The following CACNA2D1 variants were observed in gnomAD, a reference collection of about 807,000 sequenced individuals.
The protein encoded by CACNA2D1 is voltage-dependent calcium channel subunit alpha-2/delta-1.
CACNA2D1 carries 53 observed loss-of-function variants against 171.5 expected under a neutral mutation model. The ratio of observed to expected loss-of-function variants is 0.31; its 90% CI spans 0.25 to 0.39. CACNA2D1 has a LOEUF of 0.39. CACNA2D1 is among the 10% of genes least tolerant of loss of function. The pLI is 1.00. For missense variants in CACNA2D1, 903 were observed against 1,299.8 expected (o/e 0.69, Z 4.69); for synonymous variants, 442 against 443.1 (o/e 1.00, Z 0.03).
intron 4 of CACNA2D1, among the ~76,000 whole-genome samples, chr7:82,137,393 C>T (rs62465798): frequency 0.18 from 27,365 of 151,982 alleles, 2,833 homozygotes; most frequent in East Asian, 0.33. Flanking sequence ...TTTAAAACTC[C>T]TATTCTTTGT....
chr7:82,101,050 A>G (rs1253808236), intron 6 of CACNA2D1, among the ~76,000 whole-genome samples: 1 of 152,144 alleles, frequency 6.6e-6, no homozygotes, highest in Admixed American at 6.5e-5. Flanking sequence ...GATCTGCCAA[A>G]TGTGTAAATG....
chr7:82,134,437 A>G (rs1255797678), intron 5 of CACNA2D1, among the ~76,000 whole-genome samples: 1 of 152,148 alleles, frequency 6.6e-6, no homozygotes, highest in African/African-American at 2.4e-5. Flanking sequence ...AATTATTCTG[A>G]TTCCTATTCT....
intron 6 of CACNA2D1, among the ~76,000 whole-genome samples, chr7:82,088,772 A>G (rs552325998): frequency 2.6e-5 from 4 of 152,020 alleles, no homozygotes; most frequent in African/African-American, 7.2e-5. Context: ...ATTGTATTTT[A>G]TATTCTCAAT....
chr7:82,380,427 A>G (rs866968005), intron 1 of CACNA2D1, among the ~76,000 whole-genome samples: 8 of 152,116 alleles, frequency 5.3e-5, no homozygotes, highest in Non-Finnish European at 8.8e-5. Flanking sequence ...TGGAGAATTG[A>G]TCATTCAATT....
At chr7:82,279,922 G>A (rs1158460404) in intron 3 of CACNA2D1, among the ~76,000 whole-genome samples, 1 of 152,060 alleles carries the variant, frequency 6.6e-6, no homozygotes, top group Non-Finnish European at 1.5e-5. Flanking sequence ...TCTGTTCACA[G>A]CTTAAGTGAT....
chr7:82,376,830 G>A (rs1410210457), intron 1 of CACNA2D1, among the ~76,000 whole-genome samples: 2 of 152,140 alleles, frequency 1.3e-5, no homozygotes, highest in African/African-American at 4.8e-5. Context: ...AAATCTTTTA[G>A]GCGATGGAGG....
chr7:82,273,972 C>A (rs1400864666), intron 3 of CACNA2D1, among the ~76,000 whole-genome samples: 1 of 152,106 alleles, frequency 6.6e-6, no homozygotes, highest in Non-Finnish European at 1.5e-5. Context: ...AAAATAATCC[C>A]AGTCATTGTA....
At chr7:82,348,959 G>A (rs938196042) in intron 2 of CACNA2D1, among the ~76,000 whole-genome samples, 1 of 152,024 alleles carries the variant, frequency 6.6e-6, no homozygotes, top group Admixed American at 6.6e-5. Flanking sequence ...TAGTTAAGAT[G>A]CCATACAAAT....
intron 4 of CACNA2D1, among the ~76,000 whole-genome samples, chr7:82,153,922 G>C (rs1250675023): frequency 6.6e-6 from 1 of 151,948 alleles, no homozygotes; most frequent in African/African-American, 2.4e-5. Context: ...AAAACACTTA[G>C]GAGGAAGAAA....
chr7:82,105,699 A>G (rs258684), intron 6 of CACNA2D1, among the ~76,000 whole-genome samples: 79,689 of 151,840 alleles, frequency 0.52, 21,029 homozygotes, highest in Non-Finnish European at 0.54. Flanking sequence ...ATGAGGGACG[A>G]TGATTACTAA....
intron 3 of CACNA2D1, among the ~76,000 whole-genome samples, chr7:82,221,681 T>C (rs943148830): frequency 1.3e-5 from 2 of 151,310 alleles, no homozygotes; most frequent in African/African-American, 4.9e-5. Context: ...GAGATGGAGG[T>C]TGCAGTGAGC....
intron 5 of CACNA2D1, among the ~76,000 whole-genome samples, chr7:82,126,506 C>G (rs373180690): frequency 1.3e-5 from 2 of 152,140 alleles, no homozygotes; most frequent in East Asian, 1.9e-4. Context: ...GGAAATAAAA[C>G]TCAACTTTTT....
In CACNA2D1 at chr7:82,032,787, T is replaced by C. The variant is rs1584486282; in HGVS notation, c.1143+10A>G. 2.9e-6 allele frequency: 4 copies of C among 1,392,988 alleles called. No individual in the cohort carries two copies. The highest frequency in any genetic ancestry group is 4.0e-6 in the Non-Finnish European group (4 of 988,022). 86.3% of individuals were successfully genotyped at this position (1,392,988 alleles called of 1,614,324 possible). On this transcript the variant is annotated intron_variant, in intron 12 of 38. Coordinates refer to ENST00000356860, the MANE Select transcript of CACNA2D1 (RefSeq NM_000722.4). ...TTATTAAAATTTAAATATTATAAAA[T>C]TACACTCACTTTTTTATCTTTATTG...
intron 3 of CACNA2D1, among the ~76,000 whole-genome samples, chr7:82,300,718 G>C (rs1812893029): frequency 6.6e-6 from 1 of 152,048 alleles, no homozygotes; most frequent in East Asian, 1.9e-4. Context: ...CAGCAATTCA[G>C]AATACTGAGA....
chr7:82,405,626 T>C lies in CACNA2D1; in HGVS notation c.95+37739A>G, dbSNP rs1441859563. On this transcript the variant is annotated intron_variant, in intron 1 of 38. Coordinates refer to ENST00000356860, the MANE Select transcript of CACNA2D1 (RefSeq NM_000722.4). The stretch of plus-strand genomic sequence containing the variant: ...AGGAATGACAAGTATACATAATATA[T>C]GTACTTACATATTAAAAAAATGCAA... Among the ~76,000 whole-genome samples the C allele has an allele frequency of 2.6e-5, 4 of 152,304 alleles. No homozygotes were observed. In the South Asian group the frequency reaches 6.2e-4, roughly 24 times the overall value.
At chr7:82,159,586 G>C (rs926319531) in intron 4 of CACNA2D1, among the ~76,000 whole-genome samples, 1 of 151,614 alleles carries the variant, frequency 6.6e-6, no homozygotes, top group Non-Finnish European at 1.5e-5. Flanking sequence ...ATAAATTACA[G>C]ATCTGTTCTT....
At chr7:82,397,652 T>A (rs1199918377) in intron 1 of CACNA2D1, among the ~76,000 whole-genome samples, 1 of 152,200 alleles carries the variant, frequency 6.6e-6, no homozygotes, top group Non-Finnish European at 1.5e-5. Flanking sequence ...AATATCAGTA[T>A]AGAAAGTAGC....
intron 6 of CACNA2D1, among the ~76,000 whole-genome samples, chr7:82,092,165 C>A (rs1811250618): frequency 6.6e-6 from 1 of 152,168 alleles, no homozygotes; most frequent in Non-Finnish European, 1.5e-5. Flanking sequence ...GAATGTAAAT[C>A]TGTTTATGTT....
chr7:82,106,889 T>C (rs967363313), intron 6 of CACNA2D1, among the ~76,000 whole-genome samples: 2 of 152,154 alleles, frequency 1.3e-5, no homozygotes, highest in African/African-American at 4.8e-5. Context: ...CCTAATTAGA[T>C]AGAAAACATG....
Sources: allele counts gnomAD v4.1 joint callset (sites outside exome capture counted in the v4.1 genomes callset), GRCh38; gene constraint gnomAD v4.1.1; transcripts MANE v1.5; gene names NCBI Gene and HGNC (gene_info 2026-07-23, HGNC 2026-07-21).